Variants in RUNX1T1 observed in about 807,000 individuals in gnomAD.
RUNX1T1 encodes protein CBFA2T1.
RUNX1T1 carries 4 observed loss-of-function variants against 62.8 expected under a neutral mutation model. That is an observed-to-expected ratio of 0.06 (90% CI 0.03 to 0.15). The LOEUF (loss-of-function observed/expected upper bound fraction) is 0.15, where lower values mean the gene tolerates loss of function less well. Among genes scored for constraint, RUNX1T1 ranks in the 10% least tolerant of loss-of-function variants. The probability of loss-of-function intolerance (pLI) is 1.00; values close to 1 mark genes in which losing one functional copy is unlikely to be tolerated. For missense variants in RUNX1T1, 508 were observed against 754.3 expected, an observed-to-expected ratio of 0.67 and a Z score of 3.82; for synonymous variants, 291 against 286.0, an observed-to-expected ratio of 1.02 and a Z score of -0.18.
chr8:91,965,161 A>T (rs2130515457), intron 10 of RUNX1T1, among the ~76,000 whole-genome samples: 2 of 152,268 alleles, frequency 1.3e-5, no homozygotes, highest in East Asian at 3.9e-4. Context: ...GGTCCCATTC[A>T]AATTAAGTGC....
At chr8:92,062,702 GC>G (rs745819183) in exon 1 of RUNX1T1, 1 of 1,607,896 alleles carries the variant, frequency 6.2e-7, no homozygotes. Flanking sequence ...GGTGCTGGGC[GC>G]GTGCGCCTGC....
At chr8:92,089,620 G>C (rs1836666413) in intron 1 of RUNX1T1, among the ~76,000 whole-genome samples, 1 of 152,018 alleles carries the variant, frequency 6.6e-6, no homozygotes, top group African/African-American at 2.4e-5. Flanking sequence ...TCATCATCTT[G>C]TCCAGTAACT....
intron 1 of RUNX1T1, among the ~76,000 whole-genome samples, chr8:92,086,081 G>C (rs1048179451): frequency 1.3e-5 from 2 of 152,152 alleles, no homozygotes; most frequent in African/African-American, 4.8e-5. Context: ...ACAGTGCTTG[G>C]GGTACTGAAC....
intron 1 of RUNX1T1, among the ~76,000 whole-genome samples, chr8:92,082,917 A>C (rs907876186): frequency 6.6e-6 from 1 of 151,038 alleles, no homozygotes; most frequent in Non-Finnish European, 1.5e-5. Flanking sequence ...GAGGGAGAGA[A>C]GGAAGAGGGA....
intron 1 of RUNX1T1, among the ~76,000 whole-genome samples, chr8:92,054,462 T>C (rs1225878540): frequency 1.3e-5 from 2 of 152,130 alleles, no homozygotes; most frequent in Non-Finnish European, 2.9e-5. Flanking sequence ...ATAACCTCTT[T>C]ATACAGGTAC....
chr8:91,991,106 G>GT (rs1258076505), intron 6 of RUNX1T1, among the ~76,000 whole-genome samples: 5 of 151,938 alleles, frequency 3.3e-5, no homozygotes, highest in Non-Finnish European at 5.9e-5. Context: ...GCATTTTCAA[G>GT]TAAAAAAAAG....
intron 1 of RUNX1T1, among the ~76,000 whole-genome samples, chr8:92,039,065 A>G (rs1191632690): frequency 6.6e-6 from 1 of 152,070 alleles, no homozygotes; most frequent in East Asian, 1.9e-4. Context: ...ATCCACCACA[A>G]AAAAGTTCCA....
chr8:92,021,184 G>T (rs1358406283), intron 1 of RUNX1T1, among the ~76,000 whole-genome samples: 1 of 152,208 alleles, frequency 6.6e-6, no homozygotes, highest in Non-Finnish European at 1.5e-5. Context: ...GTATGTACTA[G>T]AGAGGATAAG....
chr8:91,995,159 A>C (rs992751651), intron 5 of RUNX1T1, among the ~76,000 whole-genome samples: 3 of 152,212 alleles, frequency 2.0e-5, no homozygotes, highest in African/African-American at 7.2e-5. Flanking sequence ...CCAACTTACT[A>C]GTTTTCTCTC....
At chr8:92,022,696 T>C (rs748152107) in intron 1 of RUNX1T1, among the ~76,000 whole-genome samples, 1 of 152,188 alleles carries the variant, frequency 6.6e-6, no homozygotes, top group African/African-American at 2.4e-5. Flanking sequence ...TCCAGAAGTA[T>C]GAGAAATAAA....
At chr8:91,979,455 T>G (rs1814712716) in intron 8 of RUNX1T1, among the ~76,000 whole-genome samples, 1 of 152,110 alleles carries the variant, frequency 6.6e-6, no homozygotes, top group Non-Finnish European at 1.5e-5. Flanking sequence ...CATTCTAAAA[T>G]GTAGTGGTAG....
chr8:92,017,407 C>A (rs377244554), intron 1 of RUNX1T1, 44 bp from the exon 3 acceptor site: 27 of 1,613,740 alleles, frequency 1.7e-5, no homozygotes, highest in Admixed American at 6.7e-5. Context: ...TCCTTAAGCA[C>A]CTCAGTTTTT....
intron 1 of RUNX1T1, among the ~76,000 whole-genome samples, chr8:92,098,495 T>G (rs1286247170): frequency 6.6e-6 from 1 of 152,226 alleles, no homozygotes; most frequent in East Asian, 1.9e-4. Flanking sequence ...ATTTCTAAAT[T>G]GCACACTGAA....
chr8:91,958,626 CTAA>C (rs1261546470), downstream of RUNX1T1: 4 of 171,724 alleles, frequency 2.3e-5, no homozygotes, highest in East Asian at 2.8e-4. Context: ...AAAAAAGTCC[CTAA>C]TAATGATTTA....
At chr8:92,062,064 G>A (rs1410763591) in intron 1 of RUNX1T1, among the ~76,000 whole-genome samples, 4 of 152,184 alleles carry the variant, frequency 2.6e-5, no homozygotes, top group Non-Finnish European at 5.9e-5. Context: ...TTTAGGACAA[G>A]ACTGAAATTC....
chr8:92,015,132 G>T (rs1468371152), intron 2 of RUNX1T1, among the ~76,000 whole-genome samples: 1 of 152,150 alleles, frequency 6.6e-6, no homozygotes, highest in Non-Finnish European at 1.5e-5. Context: ...TTCAAAAATA[G>T]AACAGACAGC....
At chr8:92,019,245 C>A (rs1337088215) in intron 1 of RUNX1T1, 1 of 151,998 alleles carries the variant, frequency 6.6e-6, no homozygotes, top group African/African-American at 2.4e-5. Flanking sequence ...TCTGTCATGC[C>A]AAGGAGGGAG....
At chr8:92,033,265 T>C (rs1475585036) in intron 1 of RUNX1T1, among the ~76,000 whole-genome samples, 1 of 152,186 alleles carries the variant, frequency 6.6e-6, no homozygotes, top group East Asian at 1.9e-4. Context: ...ATGTTGTGTA[T>C]ATTTACTTGG....
chr8:92,065,996 T>C (rs762586730), upstream of RUNX1T1, among the ~76,000 whole-genome samples: 2 of 152,210 alleles, frequency 1.3e-5, no homozygotes, highest in African/African-American at 2.4e-5. Context: ...AGAGAATTAA[T>C]AGTTTCAGAT....
Sources: allele counts gnomAD v4.1 joint callset (sites outside exome capture counted in the v4.1 genomes callset), GRCh38; gene constraint gnomAD v4.1.1; transcripts MANE v1.5; gene names NCBI Gene and HGNC (gene_info 2026-07-23, HGNC 2026-07-21).